The following SLC24A3 variants were observed in gnomAD, a reference collection of about 807,000 sequenced individuals.
SLC24A3 encodes the protein sodium/potassium/calcium exchanger 3.
In SLC24A3, 28 loss-of-function variants were observed where a neutral mutation model predicts 75.8. The observed-to-expected ratio is 0.37, with a 90% CI of 0.27 to 0.51. SLC24A3 has a LOEUF of 0.51. Among genes scored for constraint, SLC24A3 ranks in the 20% least tolerant of loss-of-function variants. SLC24A3 has a pLI of 0.94. For missense variants in SLC24A3, 663 were observed against 847.8 expected (o/e 0.78, Z 2.71); for synonymous variants, 372 against 334.1 (o/e 1.11, Z -1.24).
At chr20:19,320,666 C>A (rs1219102783) in intron 2 of SLC24A3, among the ~76,000 whole-genome samples, 1 of 152,120 alleles carries the variant, frequency 6.6e-6, no homozygotes, top group Non-Finnish European at 1.5e-5. Flanking sequence ...CAGGACCCCT[C>A]ACAGTTGCCA....
chr20:19,621,262 A>G (rs922172857), intron 6 of SLC24A3, among the ~76,000 whole-genome samples: 2 of 152,150 alleles, frequency 1.3e-5, no homozygotes, highest in Admixed American at 6.5e-5. Flanking sequence ...AGAGACTGAC[A>G]TTATCAAACC....
intron 2 of SLC24A3, among the ~76,000 whole-genome samples, chr20:19,382,850 T>C (rs1475451793): frequency 1.3e-5 from 2 of 152,164 alleles, no homozygotes; most frequent in Non-Finnish European, 2.9e-5. Flanking sequence ...TGCAGTGTGC[T>C]CCGATATATT....
chr20:19,229,155 A>G (rs1352808454), intron 1 of SLC24A3, among the ~76,000 whole-genome samples: 2 of 145,874 alleles, frequency 1.4e-5, no homozygotes, highest in East Asian at 3.9e-4. Context: ...GAACAAAATT[A>G]TGAAGTACTT....
chr20:19,651,723 T>C (rs965538977), intron 6 of SLC24A3, among the ~76,000 whole-genome samples: 2 of 151,660 alleles, frequency 1.3e-5, no homozygotes, highest in Admixed American at 6.6e-5. Context: ...TTGCCAGGCG[T>C]GGTGGTGGGC....
intron 2 of SLC24A3, among the ~76,000 whole-genome samples, chr20:19,315,074 C>A (rs1031807266): frequency 6.6e-6 from 1 of 152,164 alleles, no homozygotes; most frequent in Non-Finnish European, 1.5e-5. Flanking sequence ...GAGGCACCCG[C>A]GTTCTGTCCC....
intron 1 of SLC24A3, among the ~76,000 whole-genome samples, chr20:19,276,226 T>C (rs1983482733): frequency 6.6e-6 from 1 of 152,076 alleles, no homozygotes; most frequent in African/African-American, 2.4e-5. Flanking sequence ...ATGTCATAAT[T>C]TGTGGGACCA....
At chr20:19,624,583 A>G (rs2031845085) in intron 6 of SLC24A3, among the ~76,000 whole-genome samples, 1 of 152,184 alleles carries the variant, frequency 6.6e-6, no homozygotes, top group Non-Finnish European at 1.5e-5. Flanking sequence ...CAGGCCTCCT[A>G]ATTTTAGGCT....
At chr20:19,643,769 G>A (rs958284909) in intron 6 of SLC24A3, among the ~76,000 whole-genome samples, 2 of 152,162 alleles carry the variant, frequency 1.3e-5, no homozygotes, top group African/African-American at 4.8e-5. Flanking sequence ...ATGTAATGTT[G>A]AGTGAACTCC....
chr20:19,473,956 T>C (rs1433436441), intron 2 of SLC24A3, among the ~76,000 whole-genome samples: 9 of 152,244 alleles, frequency 5.9e-5, no homozygotes, highest in Non-Finnish European at 1.2e-4. Context: ...GGATGCTGAA[T>C]TGTCATTTTT....
chr20:19,431,305 G>A (rs1291278784), intron 2 of SLC24A3, among the ~76,000 whole-genome samples: 1 of 152,072 alleles, frequency 6.6e-6, no homozygotes, highest in Admixed American at 6.5e-5. Flanking sequence ...GCTGGGGGAG[G>A]GTTGGGAGGG....
chr20:19,695,736 G>C (rs746244931), intron 13 of SLC24A3: 6 of 152,156 alleles, frequency 3.9e-5, no homozygotes, highest in Non-Finnish European at 7.3e-5. Flanking sequence ...GGAGGAAATT[G>C]AGATGTAGAA....
At chr20:19,340,638 T>C (rs182373477) in intron 2 of SLC24A3, among the ~76,000 whole-genome samples, 59 of 152,220 alleles carry the variant, frequency 3.9e-4, no homozygotes, top group Admixed American at 1.0e-3. Flanking sequence ...ATTGACAAAA[T>C]TTGGGGATCA....
intron 2 of SLC24A3, among the ~76,000 whole-genome samples, chr20:19,366,803 T>C (rs1224507127): frequency 6.6e-6 from 1 of 152,048 alleles, no homozygotes; most frequent in Non-Finnish European, 1.5e-5. Context: ...ATTTGGAAGG[T>C]AAAATATCAG....
chr20:19,358,939 T>C (rs1032122971), intron 2 of SLC24A3, among the ~76,000 whole-genome samples: 1 of 152,250 alleles, frequency 6.6e-6, no homozygotes, highest in African/African-American at 2.4e-5. Context: ...TTTTGTAGCA[T>C]GTGTCAGCAC....
intron 9 of SLC24A3, among the ~76,000 whole-genome samples, chr20:19,678,517 C>T (rs2032559380): frequency 7.2e-6 from 1 of 139,720 alleles, no homozygotes; most frequent in African/African-American, 2.7e-5. Context: ...GGGGGGCTGA[C>T]CCCCCAACCT....
intron 6 of SLC24A3, among the ~76,000 whole-genome samples, chr20:19,650,082 G>A (rs962642808): frequency 2.6e-5 from 4 of 152,066 alleles, no homozygotes; most frequent in African/African-American, 9.7e-5. Context: ...TGAATTATTT[G>A]GGTGTATGCC....
intron 2 of SLC24A3, among the ~76,000 whole-genome samples, chr20:19,474,424 G>A (rs1035985198): frequency 6.6e-6 from 1 of 152,082 alleles, no homozygotes; most frequent in Non-Finnish European, 1.5e-5. Context: ...AACTGTTAAG[G>A]AAAATACTAA....
At chr20:19,390,297 C>T (rs544068791) in intron 2 of SLC24A3, among the ~76,000 whole-genome samples, 1 of 152,274 alleles carries the variant, frequency 6.6e-6, no homozygotes, top group East Asian at 1.9e-4. Flanking sequence ...ATCCTTGTGG[C>T]CATGTGTTGG....
At chr20:19,501,011 T>A (rs1441602749) in intron 2 of SLC24A3, among the ~76,000 whole-genome samples, 1 of 152,212 alleles carries the variant, frequency 6.6e-6, no homozygotes, top group Non-Finnish European at 1.5e-5. Flanking sequence ...TTGTATTACT[T>A]TATGGATCTC....
Sources: gnomAD v4.1 joint callset for allele counts (sites outside exome capture counted in the v4.1 genomes callset) on GRCh38, gnomAD v4.1.1 for gene constraint, MANE v1.5 for transcripts, NCBI Gene and HGNC (gene_info 2026-07-23, HGNC 2026-07-21) for gene names.